WDCP: variants seen among roughly 807,000 people sequenced by gnomAD.
WDCP encodes WD repeat and coiled coil containing, also known as WD repeat and coiled-coil-containing protein.
A neutral mutation model predicts 41.6 loss-of-function variants in WDCP; 19 were observed. The observed-to-expected ratio is 0.46, with a 90% CI of 0.32 to 0.67. WDCP has a LOEUF of 0.67. Ranked by LOEUF, WDCP falls within the 30% of genes least tolerant of loss-of-function variation. The pLI, the probability that WDCP is intolerant of heterozygous loss-of-function variation, is 0.04. For missense variants in WDCP, 802 were observed against 850.7 expected (o/e 0.94, Z 0.71); for synonymous variants, 302 against 320.8 (o/e 0.94, Z 0.63).
intron 3 of WDCP, 91 bp downstream of exon 3, chr2:24,032,738 G>T: frequency 1.3e-6 from 1 of 753,776 alleles, no homozygotes; most frequent in Non-Finnish European, 2.4e-6. Flanking sequence ...CTGAATGGTT[G>T]GTATCCCTCA....
In WDCP at chr2:24,032,709, T is replaced by C. The variant is rs1047817703; in HGVS notation, c.1936+120A>G. ...AATAATAATAATAATAGATTACTTG[T>C]TAACTATCCAGTGAATTACTGAATG... On this transcript the variant is annotated intron_variant, in intron 3 of 3. Transcript: ENST00000295148. 10 of 698,572 alleles carry C rather than the reference T, an allele frequency of 1.4e-5. No individual in the cohort carries two copies. The South Asian group carries it at 1.7e-4, about 12-fold the overall frequency. The allele number at this position is 698,572 out of a possible 1,614,324, so 43.3% of individuals were successfully genotyped here.
intron 2 of WDCP, among the ~76,000 whole-genome samples, chr2:24,037,167 C>T (rs1286258009): frequency 2.0e-5 from 3 of 152,144 alleles, no homozygotes; most frequent in East Asian, 1.9e-4. Context: ...GGATTACAGG[C>T]GCCCATCACC....
chr2:24,032,387 A>G (rs1663121809), intron 3 of WDCP, among the ~76,000 whole-genome samples: 1 of 152,246 alleles, frequency 6.6e-6, no homozygotes, highest in African/African-American at 2.4e-5. Flanking sequence ...CTGTAGTCCC[A>G]GCTACTCAGG....
In WDCP at chr2:24,030,951, A is replaced by C; in HGVS notation, c.2148T>G (p.His716Gln). Residue 716 changes from histidine (H) to glutamine (Q), a missense_variant, in exon 4 of 4, where the codon CAT (histidine) becomes CAG (glutamine). His to Gln is a conservative substitution (Grantham distance 24). Coordinates refer to ENST00000295148, the MANE Select transcript of WDCP (RefSeq NM_025203.3). ...PSLDTTGCCNHVDGMA is the reference protein window; with the variant it reads ...PSLDTTGCCNQVDGMA ...GCAGATATCAAGCCATGCCATCTAC[A>C]TGGTTACAACAGCCAGTGGTATCTA... The C allele has an allele frequency of 1.9e-6, 3 of 1,614,004 alleles. No homozygotes were observed. The highest frequency in any genetic ancestry group is 2.5e-6 in the Non-Finnish European group (3 of 1,179,872).
chr2:24,035,942 G>GCT (rs1390960809), intron 2 of WDCP, among the ~76,000 whole-genome samples: 3 of 151,316 alleles, frequency 2.0e-5, no homozygotes, highest in African/African-American at 7.3e-5. Flanking sequence ...GGTGGCACGT[G>GCT]CCTGTAATCC....
intron 1 of WDCP, among the ~76,000 whole-genome samples, chr2:24,043,491 T>TAAAAG (rs1558337440): frequency 1.3e-5 from 2 of 151,018 alleles, no homozygotes; most frequent in African/African-American, 2.5e-5. Context: ...TGTCTCTACT[T>TAAAAG]AAAACAAAAC....
Position 24,038,397 on chromosome 2 carries a change from G to T in WDCP, c.1098C>A (p.Ile366=). ...VASNTCNIIL[I]YSVIPSSVPN... Reference sequence around the variant, plus strand: ...GGACTGAAGATGGAATGACAGAGTAGATCAAAATTATATTACAAGTGTTGG... The same window carrying T: ...GGACTGAAGATGGAATGACAGAGTATATCAAAATTATATTACAAGTGTTGG... Residue 366 remains isoleucine (I), a synonymous_variant, in exon 2 of 4, where the codon ATC becomes ATA. Coordinates refer to ENST00000295148, the MANE Select transcript of WDCP (RefSeq NM_025203.3). 1 of 1,614,200 alleles carries T rather than the reference G, an allele frequency of 6.2e-7. No individual in the cohort carries two copies. The highest frequency in any genetic ancestry group is 1.1e-5 in the South Asian group (1 of 91,084).
intron 2 of WDCP, among the ~76,000 whole-genome samples, chr2:24,036,032 G>A (rs1663242285): frequency 6.6e-6 from 1 of 150,388 alleles, no homozygotes; most frequent in African/African-American, 2.5e-5. Flanking sequence ...TCGCGCCACT[G>A]CACTCCAGCC....
chr2:24,043,186 A>T (rs954793113), intron 1 of WDCP, among the ~76,000 whole-genome samples: 2 of 152,144 alleles, frequency 1.3e-5, no homozygotes, highest in African/African-American at 4.8e-5. Context: ...ATACAAAAAA[A>T]TTAGCCAGGA....
In WDCP at chr2:24,032,921, A is replaced by C; in HGVS notation, c.1844T>G (p.Val615Gly). ...YQKPYYLGPV[V>G]EKRAVLLCDG... ...ACAGAGAAGCACCGCTCTTTTTTCA[A>C]CAACAGGACCTAGATAATAAGGTTT... Residue 615 changes from valine to glycine, a missense_variant, in exon 3 of 4, where the codon GTT (valine) becomes GGT (glycine). This residue lies in a region of WDCP where 321 missense variants were observed against 305.1 expected (regional missense o/e 1.05). Transcript: ENST00000295148. 1 of 1,610,990 alleles carries C rather than the reference A, an allele frequency of 6.2e-7. No individual in the cohort carries two copies. The highest frequency in any genetic ancestry group is 8.5e-7 in the Non-Finnish European group (1 of 1,177,138).
rs1235480257 is a variant in WDCP at position 24,038,870 on chromosome 2, T to C, written c.625A>G (p.Ile209Val). 3.7e-6 allele frequency: 6 copies of C among 1,614,166 alleles called. No homozygotes were observed. The highest frequency in any genetic ancestry group is 1.1e-5 in the South Asian group (1 of 91,090). The change falls in exon 2 of 4, where the codon ATC becomes GTC. Residue 209 changes from isoleucine (I) to valine (V), a missense_variant. This residue lies in a region of WDCP where 214 missense variants were observed against 252.9 expected (regional missense o/e 0.85). Transcript: ENST00000295148. The part of the protein sequence containing the change: ...VFDVDSHVCS[I>V]TATVDSQVAI... ...ACCTGTGAGTCCACAGTTGCTGTGA[T>C]GGAGCAGACGTGGCTGTCCACATCA...
chr2:24,039,627 A>C, intron 1 of WDCP, 115 bp from the exon 2 acceptor site: 1 of 835,892 alleles, frequency 1.2e-6, no homozygotes, highest in Admixed American at 2.8e-5. Context: ...GTGGAGAGAC[A>C]AAAGGACAGG....
chr2:24,040,695 T>A (rs911523345), intron 1 of WDCP, among the ~76,000 whole-genome samples: 2 of 152,202 alleles, frequency 1.3e-5, no homozygotes, highest in Non-Finnish European at 2.9e-5. Context: ...TGAATATTTT[T>A]CCCCCAGGCA....
Position 24,038,018 on chromosome 2 carries a change from T to C in WDCP, c.1477A>G (p.Arg493Gly), listed in dbSNP as rs776514314. The change falls in exon 2 of 4, where the codon AGA (arginine) becomes GGA (glycine). Residue 493 changes from arginine to glycine, a missense_variant. Around this residue, in one of 5 missense-constraint regions of WDCP, gnomAD observed 321 missense variants for 305.1 expected, o/e 1.05. Coordinates refer to ENST00000295148, the MANE Select transcript of WDCP (RefSeq NM_025203.3). ...CTCTGGATTTCTTTAATAAGTGTTC[T>C]TCCAGGCCTTCCATTCTGACTACTG... Reference protein sequence around the residue: ...NTSSQNGRPGRTLIKEIQSPL... With the variant: ...NTSSQNGRPGGTLIKEIQSPL... 1.3e-5 allele frequency: 21 copies of C among 1,614,084 alleles called. No individual in the cohort carries two copies. Among genetic ancestry groups the C allele is most frequent in the Admixed American group, 1.7e-5 (1 of 60,004 alleles).
intron 1 of WDCP, among the ~76,000 whole-genome samples, chr2:24,040,204 T>C (rs1287597284): frequency 2.0e-5 from 3 of 152,206 alleles, no homozygotes; most frequent in African/African-American, 4.8e-5. Flanking sequence ...TAAAATGTCA[T>C]GATGCCTACA....
chr2:24,036,926 G>C (rs998345368), intron 2 of WDCP, among the ~76,000 whole-genome samples: 10 of 152,236 alleles, frequency 6.6e-5, no homozygotes, highest in African/African-American at 2.4e-4. Flanking sequence ...TTATATAGGA[G>C]GAAAGTGTCC....
At position 24,038,787 on chromosome 2, in the gene WDCP, G is replaced by A. The variant is rs1663335714; in HGVS notation, c.708C>T (p.Thr236=). Residue 236 remains threonine, a synonymous_variant, in exon 2 of 4, where the codon ACC becomes ACT. Transcript: ENST00000295148. ...DKICGLNASE[T]FNIPPNSKDM... ...CTTTACTGTTAGGTGGGATATTAAA[G>A]GTTTCAGATGCATTTAAGCCACAGA... is the stretch of plus-strand genomic sequence containing the variant. 1 of 1,614,082 alleles carries A rather than the reference G, an allele frequency of 6.2e-7. No individual in the cohort carries two copies. Among genetic ancestry groups the A allele is most frequent in the Admixed American group, 1.7e-5 (1 of 60,010 alleles).
At chr2:24,035,616 A>T (rs571853831) in intron 2 of WDCP, among the ~76,000 whole-genome samples, 235 of 152,182 alleles carry the variant, frequency 1.5e-3, no homozygotes, top group African/African-American at 5.4e-3. Context: ...AAATAATTTT[A>T]AAAAAATCAA....
intron 3 of WDCP, among the ~76,000 whole-genome samples, chr2:24,032,337 A>G (rs1460944794): frequency 1.3e-5 from 2 of 152,172 alleles, no homozygotes; most frequent in African/African-American, 2.4e-5. Flanking sequence ...ACCCGTCTCT[A>G]CGAAAATACA....
Sources: allele counts gnomAD v4.1 joint callset (sites outside exome capture counted in the v4.1 genomes callset), GRCh38; gene constraint gnomAD v4.1.1; regional missense constraint gnomAD v4.1.1; transcripts MANE v1.5; gene names NCBI Gene and HGNC (gene_info 2026-07-23, HGNC 2026-07-21).